The following BIN1 variants were observed in gnomAD, a reference collection of about 807,000 sequenced individuals.
BIN1 encodes bridging integrator 1.
BIN1 carries 53 observed loss-of-function variants against 82.0 expected under a neutral mutation model. That is an observed-to-expected ratio of 0.65 (90% CI 0.52 to 0.81). The LOEUF is 0.81. BIN1 is among the 40% of genes least tolerant of loss of function. The pLI, the probability that BIN1 is intolerant of heterozygous loss-of-function variation, is 0.00. For missense variants in BIN1, 642 were observed against 784.4 expected, an observed-to-expected ratio of 0.82 and a Z score of 2.17; for synonymous variants, 302 against 328.0, an observed-to-expected ratio of 0.92 and a Z score of 0.86.
chr2:127,090,037 C>T lies in BIN1; in HGVS notation c.85-13331G>A, dbSNP rs934438111. Among the ~76,000 whole-genome samples, 1 of 151,582 alleles carries T rather than the reference C, an allele frequency of 6.6e-6. No individual in the cohort carries two copies. Among genetic ancestry groups the T allele is most frequent in the Non-Finnish European group, 1.5e-5 (1 of 67,904 alleles). ...TTCCCCGCACCTGCCGCCCAGTGCA[C>T]CTGCTCCTGCGGCTCACAGTCCACT... is the stretch of plus-strand genomic sequence containing the variant. On this transcript the variant is annotated intron_variant, in intron 1 of 18. Coordinates refer to ENST00000316724, the MANE Select transcript of BIN1 (RefSeq NM_139343.3). The surrounding 1 kb of genome is among the most constrained non-coding windows in gnomAD (Gnocchi z 6.4).
intron 1 of BIN1, among the ~76,000 whole-genome samples, chr2:127,078,700 C>G (rs949022634): frequency 2.0e-5 from 3 of 152,216 alleles, no homozygotes; most frequent in Non-Finnish European, 4.4e-5. Flanking sequence ...AAAATGTACA[C>G]TGCACAACTT....
chr2:127,063,720 G>A (rs1009471424), intron 8 of BIN1, 74 bp from the exon 9 acceptor site: 72 of 1,517,252 alleles, frequency 4.7e-5, no homozygotes, highest in African/African-American at 1.2e-4. Context: ...ACCCACCCAC[G>A]AGCGACCACA....
intron 1 of BIN1, among the ~76,000 whole-genome samples, chr2:127,098,696 C>T (rs557902836): frequency 1.3e-5 from 2 of 152,358 alleles, no homozygotes; most frequent in Admixed American, 6.5e-5. Flanking sequence ...CAAAATGTGT[C>T]CAAGGGCAGC....
intron 2 of BIN1, among the ~76,000 whole-genome samples, chr2:127,076,319 A>T (rs13383872): frequency 0.18 from 27,102 of 151,254 alleles, 2,605 homozygotes; most frequent in South Asian, 0.25. Flanking sequence ...TGCCCCTGAC[A>T]TGCAAAGTTT....
At position 127,059,435 on chromosome 2, in the gene BIN1, G is replaced by A. The variant is rs1298536653; in HGVS notation, c.858-280C>T. ...CTATGGTCCCCAGGAGTGCAGGCAG[G>A]TCCCTTGGAACCATCTGTCGCAGAG... On this transcript the variant is annotated intron_variant, in intron 10 of 18. Coordinates refer to ENST00000316724, the MANE Select transcript of BIN1 (RefSeq NM_139343.3). The surrounding 1 kb of genome is among the most constrained non-coding windows in gnomAD (Gnocchi z 6.7). Among the ~76,000 whole-genome samples, 3 of 152,012 alleles carry A rather than the reference G, an allele frequency of 2.0e-5. No individual in the cohort carries two copies. The highest frequency in any genetic ancestry group is 4.4e-5 in the Non-Finnish European group (3 of 67,978).
Position 127,082,379 on chromosome 2 carries a change from C to T in BIN1, c.85-5673G>A, listed in dbSNP as rs1042693406. Among the ~76,000 whole-genome samples, 2 of 152,182 alleles carry T rather than the reference C, an allele frequency of 1.3e-5. No homozygotes were observed. Among genetic ancestry groups the T allele is most frequent in the African/African-American group, 4.8e-5 (2 of 41,446 alleles). ...GGCAGGATGGCCAGCTGAAGGCCTC[C>T]GTGGTCACAAGCTCTGAGGCCTTGC... On this transcript the variant is annotated intron_variant, in intron 1 of 18. Coordinates refer to ENST00000316724, the MANE Select transcript of BIN1 (RefSeq NM_139343.3). The surrounding 1 kb of genome is among the most constrained non-coding windows in gnomAD (Gnocchi z 6.1).
Position 127,068,678 on chromosome 2 carries a change from C to G in BIN1, c.519+246G>C, listed in dbSNP as rs1414133647. The stretch of plus-strand genomic sequence containing the variant: ...GAAACCCAGGAGGCCCATTCTCAGG[C>G]TGGCAGGTGGCCTGGATCAGGGCTG... On this transcript the variant is annotated intron_variant, in intron 6 of 18. Coordinates refer to ENST00000316724, the MANE Select transcript of BIN1 (RefSeq NM_139343.3). This position sits in a 1 kb window ranked among gnomAD's most constrained non-coding sequence, Gnocchi z 4.9. 6.6e-6 allele frequency among the ~76,000 whole-genome samples: 1 copy of G among 152,164 alleles called. No individual in the cohort carries two copies. The highest frequency in any genetic ancestry group is 1.9e-4 in the East Asian group (1 of 5,170).
chr2:127,063,762 C>T, intron 8 of BIN1, 116 bp from the exon 9 acceptor site: 2 of 1,404,290 alleles, frequency 1.4e-6, no homozygotes, highest in Non-Finnish European at 2.0e-6. Context: ...CCAGAGAGGG[C>T]CCAGGCACCG....
At chr2:127,087,245 C>T (rs1360038707) in intron 1 of BIN1, among the ~76,000 whole-genome samples, 2 of 152,186 alleles carry the variant, frequency 1.3e-5, no homozygotes, top group Non-Finnish European at 2.9e-5. Context: ...AGCCCAGCCC[C>T]GCCCCTGAGA....
rs1218784993 is a variant in BIN1 at position 127,070,082 on chromosome 2, G to T, written c.324C>A (p.Asp108Glu). The T allele has an allele frequency of 1.9e-6, 3 of 1,613,972 alleles. No homozygotes were observed. Among genetic ancestry groups the T allele is most frequent in the Non-Finnish European group, 2.5e-6 (3 of 1,179,968 alleles). Residue 108 changes from aspartate (D) to glutamate (E), a missense_variant, in exon 5 of 19, where the codon GAC becomes GAA. Asp to Glu is a conservative substitution (Grantham distance 45). Coordinates refer to ENST00000316724, the MANE Select transcript of BIN1 (RefSeq NM_139343.3). Reference protein sequence around the residue: ...DEANKIAENNDLLWMDYHQKL... With the variant: ...DEANKIAENNELLWMDYHQKL... ...TCTGGTGGTAATCCATCCACAGCAGGTCGTTGTTCTGAGACAGGCAAGAGC... is the reference window on the plus strand; with the variant it reads ...TCTGGTGGTAATCCATCCACAGCAGTTCGTTGTTCTGAGACAGGCAAGAGC...
chr2:127,052,670 G>C, intron 14 of BIN1: 1 of 425,408 alleles, frequency 2.4e-6, no homozygotes, highest in South Asian at 2.6e-5. Context: ...AAATCCTGCG[G>C]TGGAGCCTCC....
intron 1 of BIN1, among the ~76,000 whole-genome samples, chr2:127,087,704 G>A (rs916256573): frequency 1.3e-5 from 2 of 152,112 alleles, no homozygotes; most frequent in South Asian, 2.1e-4. Flanking sequence ...GGAGGGAGGC[G>A]TTTCACAGTG....
rs571256994 is a variant in BIN1 at position 127,066,019 on chromosome 2, C to G, written c.613-2001G>C. Reference sequence around the variant, plus strand: ...GGGGTCCCGAGGACAGCATTCAGGACGCTGAGGCAGGTGTGGAGAGCAGCT... The same window carrying G: ...GGGGTCCCGAGGACAGCATTCAGGAGGCTGAGGCAGGTGTGGAGAGCAGCT... On this transcript the variant is annotated intron_variant, in intron 7 of 18. Transcript: ENST00000316724. Among the ~76,000 whole-genome samples, 4 of 152,304 alleles carry G rather than the reference C, an allele frequency of 2.6e-5. No homozygotes were observed. In the South Asian group the frequency reaches 8.3e-4, roughly 32 times the overall value.
At chr2:127,070,169 GC>G (rs1350029353) in intron 4 of BIN1, 79 bp from the exon 5 acceptor site, 1 of 1,161,350 alleles carries the variant, frequency 8.6e-7, no homozygotes, top group Non-Finnish European at 1.3e-6. Context: ...GCAGGGACCA[GC>G]CCCAGCCCCA....
chr2:127,077,038 T>G (rs1343378945), intron 1 of BIN1, among the ~76,000 whole-genome samples: 1 of 152,130 alleles, frequency 6.6e-6, no homozygotes, highest in East Asian at 1.9e-4. Context: ...ACTGCACCCC[T>G]GGGTGCTCCG....
intron 1 of BIN1, among the ~76,000 whole-genome samples, chr2:127,103,242 C>T (rs1558892908): frequency 2.6e-5 from 4 of 152,136 alleles, no homozygotes. Flanking sequence ...TCTGAGGTTG[C>T]TGCAAATATA....
chr2:127,084,973 G>C lies in BIN1; in HGVS notation c.85-8267C>G, dbSNP rs139103183. Reference sequence around the variant, plus strand: ...GTACAGAGGCGTCTTCAGAGCAGCAGTGCTTAACCCAGAAGCTAGCAGTCT... The same window carrying C: ...GTACAGAGGCGTCTTCAGAGCAGCACTGCTTAACCCAGAAGCTAGCAGTCT... On this transcript the variant is annotated intron_variant, in intron 1 of 18. Transcript: ENST00000316724. Among the ~76,000 whole-genome samples the C allele has an allele frequency of 2.6e-5, 4 of 152,316 alleles. No individual in the cohort carries two copies. In the East Asian group the frequency reaches 7.7e-4, roughly 29 times the overall value.
rs369867419 is a variant in BIN1, at chr2:127,051,259, C to G, written c.1372-16G>C. ...CCTCTGCTGGCTGCAACATAAATGC[C>G]GGCTTGGGGTCAGACACAGGACAGG... is the stretch of plus-strand genomic sequence containing the variant. On this transcript the variant is annotated splice_polypyrimidine_tract_variant and intron_variant, in intron 15 of 18. Coordinates refer to ENST00000316724, the MANE Select transcript of BIN1 (RefSeq NM_139343.3). The G allele has an allele frequency of 6.2e-7, 1 of 1,613,296 alleles. No homozygotes were observed. Among genetic ancestry groups the G allele is most frequent in the East Asian group, 2.2e-5 (1 of 44,862 alleles).
chr2:127,068,389 T>A lies in BIN1; in HGVS notation c.520-134A>T. The A allele has an allele frequency of 3.5e-6, 2 of 578,160 alleles. No homozygotes were observed. Among genetic ancestry groups the A allele is most frequent in the Non-Finnish European group, 3.0e-6 (1 of 334,968 alleles). The allele number at this position is 578,160 out of a possible 1,614,324, so 35.8% of individuals were successfully genotyped here. ...GCCACCCCAAGCAGATATGGGCCCT[T>A]GAGGCCGAGAGAATTAGGGGGAGCC... On this transcript the variant is annotated intron_variant, in intron 6 of 18. Transcript: ENST00000316724. The surrounding 1 kb of genome is among the most constrained non-coding windows in gnomAD (Gnocchi z 4.9).
Sources: gnomAD v4.1 joint callset for allele counts (sites outside exome capture counted in the v4.1 genomes callset) on GRCh38, gnomAD v4.1.1 for gene constraint, Gnocchi (gnomAD v3.1) non-coding constraint, MANE v1.5 for transcripts, NCBI Gene and HGNC (gene_info 2026-07-23, HGNC 2026-07-21) for gene names.